DISC1: variants seen among roughly 807,000 people sequenced by gnomAD.
The protein encoded by DISC1 is disrupted in schizophrenia 1 protein.
DISC1 carries 57 observed loss-of-function variants against 84.5 expected under a neutral mutation model. The observed-to-expected ratio is 0.67, with a 90% confidence interval of 0.55 to 0.84. The LOEUF is 0.84. DISC1 is among the 40% of genes least tolerant of loss of function. The pLI, the probability that DISC1 is intolerant of heterozygous loss-of-function variation, is 0.00. For missense variants in DISC1, 1,000 were observed against 1,057.8 expected, an observed-to-expected ratio of 0.95 and a Z score of 0.76; for synonymous variants, 411 against 415.2, an observed-to-expected ratio of 0.99 and a Z score of 0.12.
intron 4 of DISC1, chr1:231,750,426 G>A: frequency 1.9e-6 from 2 of 1,045,550 alleles, no homozygotes; most frequent in Non-Finnish European, 2.3e-6. Context: ...TATTAAGCCT[G>A]TAAGATAAAC....
intron 8 of DISC1, among the ~76,000 whole-genome samples, chr1:231,813,967 A>C (rs2080608267): frequency 6.6e-6 from 1 of 152,110 alleles, no homozygotes; most frequent in Admixed American, 6.5e-5. Flanking sequence ...AAAACACATG[A>C]GTGTTTTAAG....
At chr1:231,817,199 C>T (rs2081094143) in intron 8 of DISC1, among the ~76,000 whole-genome samples, 1 of 152,180 alleles carries the variant, frequency 6.6e-6, no homozygotes, top group South Asian at 2.1e-4. Flanking sequence ...ATTCTCCTGC[C>T]TCAGCCTCTT....
At chr1:231,806,975 G>T (rs193210411) in intron 8 of DISC1, among the ~76,000 whole-genome samples, 235 of 152,344 alleles carry the variant, frequency 1.5e-3, no homozygotes, top group African/African-American at 5.3e-3. Flanking sequence ...CTGGAATGGT[G>T]CTGGGACTTT....
chr1:231,787,693 A>T (rs540072107), intron 6 of DISC1, among the ~76,000 whole-genome samples: 1 of 152,232 alleles, frequency 6.6e-6, no homozygotes, highest in African/African-American at 2.4e-5. Context: ...GATGAGCAAG[A>T]TGCTCTAAGC....
chr1:231,666,339 G>T, intron 1 of DISC1, among the ~76,000 whole-genome samples: 1 of 143,478 alleles, frequency 7.0e-6, no homozygotes, highest in Non-Finnish European at 1.5e-5. Flanking sequence ...AGCACAGTAC[G>T]AATTAATCTC....
intron 9 of DISC1, among the ~76,000 whole-genome samples, chr1:231,854,035 TG>T (rs1375714446): frequency 1.3e-5 from 2 of 152,130 alleles, no homozygotes; most frequent in Non-Finnish European, 2.9e-5. Flanking sequence ...CCCACCTGGG[TG>T]GGGTGGTCAG....
chr1:231,777,967 G>C (rs1309625223), intron 6 of DISC1, among the ~76,000 whole-genome samples: 1 of 152,198 alleles, frequency 6.6e-6, no homozygotes, highest in African/African-American at 2.4e-5. Flanking sequence ...GGTTCACACT[G>C]ATGGCCTGGG....
At chr1:231,819,196 T>C in intron 9 of DISC1, 1 of 894,964 alleles carries the variant, frequency 1.1e-6, no homozygotes, top group Non-Finnish European at 1.3e-6. Context: ...AAATGTCATT[T>C]ACTAAAACAA....
At chr1:231,678,410 G>A (rs989298017) in intron 1 of DISC1, among the ~76,000 whole-genome samples, 4 of 152,168 alleles carry the variant, frequency 2.6e-5, no homozygotes, top group Non-Finnish European at 4.4e-5. Context: ...TGAAGTCAGC[G>A]GCCATAAGAT....
At chr1:231,690,358 G>T (rs2064848525) in intron 1 of DISC1, among the ~76,000 whole-genome samples, 1 of 152,200 alleles carries the variant, frequency 6.6e-6, no homozygotes, top group African/African-American at 2.4e-5. Flanking sequence ...TTCGTTCCTG[G>T]ACTAGATGGG....
chr1:232,007,344 C>G (rs1269705517), intron 10 of DISC1, among the ~76,000 whole-genome samples: 1 of 152,120 alleles, frequency 6.6e-6, no homozygotes, highest in Non-Finnish European at 1.5e-5. Context: ...TGAAAGCAGC[C>G]AGGAGGGGGA....
At chr1:231,913,552 G>A (rs74508500) in intron 9 of DISC1, among the ~76,000 whole-genome samples, 2,438 of 152,308 alleles carry the variant, frequency 0.016, 90 homozygotes, top group African/African-American at 0.056. Flanking sequence ...CACTCTCAGG[G>A]TTGTGGAAAT....
chr1:232,022,319 T>C (rs1408283533), intron 11 of DISC1, among the ~76,000 whole-genome samples: 1 of 151,542 alleles, frequency 6.6e-6, no homozygotes, highest in Non-Finnish European at 1.5e-5. Context: ...TTCTTTTTTT[T>C]TTTTTTTTGA....
intron 6 of DISC1, among the ~76,000 whole-genome samples, chr1:231,790,128 C>A (rs1382747849): frequency 6.6e-6 from 1 of 152,082 alleles, no homozygotes; most frequent in Non-Finnish European, 1.5e-5. Context: ...GAAAAGAAAC[C>A]GTCAGTCTGA....
chr1:231,861,186 G>A (rs901149479), intron 9 of DISC1, among the ~76,000 whole-genome samples: 3 of 152,168 alleles, frequency 2.0e-5, no homozygotes, highest in Non-Finnish European at 2.9e-5. Context: ...GGTGGGACTG[G>A]TTATCTGTCT....
intron 1 of DISC1, among the ~76,000 whole-genome samples, chr1:231,681,519 C>T (rs570693369): frequency 1.3e-5 from 2 of 152,004 alleles, no homozygotes; most frequent in Non-Finnish European, 2.9e-5. Flanking sequence ...GCCTTGAACT[C>T]CACCTCCCTG....
intron 3 of DISC1, among the ~76,000 whole-genome samples, chr1:231,721,753 T>C (rs879641627): frequency 1.3e-5 from 2 of 152,090 alleles, no homozygotes; most frequent in Non-Finnish European, 2.9e-5. Flanking sequence ...TTTCCATCTG[T>C]TATTAGTCCA....
Position 231,694,320 on chromosome 1 carries a change from AGCCCTGGCTGTG to A in DISC1, c.569_580del (p.Gly190_Pro193del). 6.2e-7 allele frequency: 1 copy of A among 1,614,268 alleles called. No homozygotes were observed. Among genetic ancestry groups the A allele is most frequent in the Non-Finnish European group, 8.5e-7 (1 of 1,180,036 alleles). ...AGCAGAGTTGAGTAGCAACAGCTGC[AGCCCTGGCTGTG>A]GCCCTGAGGTCCCCCCAACCCCTCC... On this transcript the variant is annotated inframe_deletion, in exon 2 of 13. Transcript: ENST00000439617.
intron 1 of DISC1, among the ~76,000 whole-genome samples, chr1:231,627,258 A>G (rs1865225): frequency 0.66 from 100,066 of 151,984 alleles, 33,273 homozygotes; most frequent in Middle Eastern, 0.75. Flanking sequence ...AAGGTTGCAG[A>G]GGCGTGCTTG....
Sources: gnomAD v4.1 joint callset for allele counts (sites outside exome capture counted in the v4.1 genomes callset) on GRCh38, gnomAD v4.1.1 for gene constraint, MANE v1.5 for transcripts, NCBI Gene and HGNC (gene_info 2026-07-23, HGNC 2026-07-21) for gene names.